The following GAN variants were observed in gnomAD, a reference collection of about 807,000 sequenced individuals.
GAN encodes the protein gigaxonin.
In GAN, 48 loss-of-function variants were observed where a neutral mutation model predicts 71.3. The observed-to-expected ratio is 0.67, with a 90% CI of 0.53 to 0.86. The LOEUF is 0.86. Among genes scored for constraint, GAN ranks in the 40% least tolerant of loss-of-function variants. The pLI, the probability that GAN is intolerant of heterozygous loss-of-function variation, is 0.00. For missense variants in GAN, 928 were observed against 770.1 expected (o/e 1.21, Z -2.43); for synonymous variants, 386 against 276.8 (o/e 1.39, Z -3.92).
At chr16:81,353,272 A>G (rs1395266173) in intron 2 of GAN, among the ~76,000 whole-genome samples, 2 of 142,406 alleles carry the variant, frequency 1.4e-5, no homozygotes, top group East Asian at 2.2e-4. Context: ...AGCGTGGGCG[A>G]CAGAGCGAGA....
chr16:81,359,133 G>A (rs1910586764), intron 5 of GAN, among the ~76,000 whole-genome samples: 1 of 152,180 alleles, frequency 6.6e-6, no homozygotes, highest in Admixed American at 6.5e-5. Flanking sequence ...GCTGGACAGA[G>A]TAGTATAGCC....
chr16:81,332,972 G>A (rs1312370210), intron 1 of GAN, among the ~76,000 whole-genome samples: 1 of 152,096 alleles, frequency 6.6e-6, no homozygotes, highest in African/African-American at 2.4e-5. Flanking sequence ...GAGTGCAATG[G>A]CTCATGCCTG....
At chr16:81,355,352 C>T (rs1480658459) in intron 3 of GAN, among the ~76,000 whole-genome samples, 1 of 152,136 alleles carries the variant, frequency 6.6e-6, no homozygotes, top group African/African-American at 2.4e-5. Flanking sequence ...AGCAAAATCA[C>T]AGGACTTGAG....
At chr16:81,349,855 G>A (rs1910240866) in intron 1 of GAN, among the ~76,000 whole-genome samples, 1 of 152,138 alleles carries the variant, frequency 6.6e-6, no homozygotes, top group Non-Finnish European at 1.5e-5. Context: ...AAACATGGTT[G>A]TTAGGTAGCA....
chr16:81,377,004 T>G (rs1904283679), intron 9 of GAN, among the ~76,000 whole-genome samples: 1 of 152,202 alleles, frequency 6.6e-6, no homozygotes, highest in South Asian at 2.1e-4. Context: ...ACATGCTGTT[T>G]ATGACTCAAT....
chr16:81,374,216 A>G (rs7194429), intron 9 of GAN, among the ~76,000 whole-genome samples: 99,778 of 152,130 alleles, frequency 0.66, 32,926 homozygotes, highest in East Asian at 0.75. Flanking sequence ...TCTGCATCAT[A>G]TCAGGGAGAA....
At chr16:81,344,548 C>G (rs1910052721) in intron 1 of GAN, among the ~76,000 whole-genome samples, 1 of 152,156 alleles carries the variant, frequency 6.6e-6, no homozygotes, top group South Asian at 2.1e-4. Context: ...GCTGGGAAAA[C>G]TGGCTAGCCG....
intron 4 of GAN, among the ~76,000 whole-genome samples, chr16:81,357,222 C>T (rs1040217059): frequency 6.6e-6 from 1 of 152,018 alleles, no homozygotes. Context: ...CATCATTTAG[C>T]ATTAGATATA....
intron 1 of GAN, among the ~76,000 whole-genome samples, chr16:81,350,111 T>A (rs894437091): frequency 6.6e-6 from 1 of 152,164 alleles, no homozygotes; most frequent in African/African-American, 2.4e-5. Flanking sequence ...AGGCCCCTTT[T>A]AAAAAGTTCA....
chr16:81,362,466 A>G (rs757918580), intron 5 of GAN, 33 bp from the exon 6 acceptor site: 1 of 1,139,156 alleles, frequency 8.8e-7, no homozygotes, highest in South Asian at 1.2e-5. Context: ...GAAGACTCAC[A>G]TTTCATATTT....
intron 1 of GAN, among the ~76,000 whole-genome samples, chr16:81,336,063 C>A (rs1336098693): frequency 6.6e-6 from 1 of 152,158 alleles, no homozygotes; most frequent in Non-Finnish European, 1.5e-5. Context: ...GTCTCCTACC[C>A]TCAGCACTCC....
rs1181492074 is a variant in GAN, at chr16:81,389,361, G to A, written c.*11765G>A. The A allele has an allele frequency of 6.6e-6, 1 of 152,142 alleles. No individual in the cohort carries two copies. The highest frequency in any genetic ancestry group is 1.9e-4 in the East Asian group (1 of 5,196). 9.4% of individuals were successfully genotyped at this position (152,142 alleles called of 1,614,324 possible). A position where few individuals can be genotyped will look rare whatever the true frequency, so the allele number is the denominator to read the frequency against. ...TTTTGTATCATACCTTTTGTGAATT[G>A]TGACAACCATCCCGTAATCATTGTG... is the stretch of plus-strand genomic sequence containing the variant. On this transcript the variant is annotated 3_prime_UTR_variant, in exon 11 of 11. Coordinates refer to ENST00000648994, the MANE Select transcript of GAN (RefSeq NM_022041.4).
At chr16:81,318,939 G>A (rs1344808970) in intron 1 of GAN, among the ~76,000 whole-genome samples, 3 of 151,628 alleles carry the variant, frequency 2.0e-5, no homozygotes, top group African/African-American at 7.2e-5. Context: ...CCCTTTCCCA[G>A]CATGCTCCTT....
intron 9 of GAN, among the ~76,000 whole-genome samples, chr16:81,373,687 G>C (rs1206142589): frequency 6.6e-6 from 1 of 152,116 alleles, no homozygotes. Context: ...ATCCAATCCA[G>C]GATTCTACCT....
rs1412462198 is a variant in GAN at position 81,388,555 on chromosome 16, T to G, written c.*10959T>G. On this transcript the variant is annotated 3_prime_UTR_variant, in exon 11 of 11. Coordinates refer to ENST00000648994, the MANE Select transcript of GAN (RefSeq NM_022041.4). The stretch of plus-strand genomic sequence containing the variant: ...GGCCAGCCCCAGAGGCCCTCAGGGC[T>G]CCCCCTCCAAGCCGGGAGGGCAGGC... 1 of 153,074 alleles carries G rather than the reference T, an allele frequency of 6.5e-6. No individual in the cohort carries two copies. The highest frequency in any genetic ancestry group is 2.4e-5 in the African/African-American group (1 of 41,408). 9.5% of individuals were successfully genotyped at this position (153,074 alleles called of 1,614,324 possible). A position where few individuals can be genotyped will look rare whatever the true frequency, so the allele number is the denominator to read the frequency against.
Position 81,370,188 on chromosome 16 carries a change from A to G in GAN, c.1502+4710A>G, listed in dbSNP as rs13336792. Among the ~76,000 whole-genome samples, 1,393 of 152,336 alleles carry G rather than the reference A, an allele frequency of 9.1e-3. 16 individuals are homozygous for G. The highest frequency in any genetic ancestry group is 0.032 in the African/African-American group (1,316 of 41,566). ...TGTATATTAGTCCACAGAGATTTTA[A>G]TCATCATGATGTTCCACAAAACATC... On this transcript the variant is annotated intron_variant, in intron 9 of 10. Coordinates refer to ENST00000648994, the MANE Select transcript of GAN (RefSeq NM_022041.4).
rs144668081 is a variant in GAN at position 81,369,519 on chromosome 16, G to A, written c.1502+4041G>A. ...AAATGTTTGTGTAGCTTGTTTTTAG[G>A]TTTTCCTTTTACTTTGGGTTTCTTT... On this transcript the variant is annotated intron_variant, in intron 9 of 10. Coordinates refer to ENST00000648994, the MANE Select transcript of GAN (RefSeq NM_022041.4). Among the ~76,000 whole-genome samples, 666 of 152,248 alleles carry A rather than the reference G, an allele frequency of 4.4e-3. 5 individuals are homozygous for A. Among genetic ancestry groups the A allele is most frequent in the African/African-American group, 0.015 (628 of 41,540 alleles).
At chr16:81,341,901 A>T (rs953886562) in intron 1 of GAN, among the ~76,000 whole-genome samples, 1 of 152,194 alleles carries the variant, frequency 6.6e-6, no homozygotes, top group Non-Finnish European at 1.5e-5. Context: ...CTCACATGCA[A>T]AGACACACAT....
At chr16:81,366,483 C>A (rs2150692599) in intron 9 of GAN, among the ~76,000 whole-genome samples, 1 of 152,252 alleles carries the variant, frequency 6.6e-6, no homozygotes. Flanking sequence ...GGGGAAATTG[C>A]TGTGCTAAAC....
Sources: gnomAD v4.1 joint callset for allele counts (sites outside exome capture counted in the v4.1 genomes callset) on GRCh38, gnomAD v4.1.1 for gene constraint, MANE v1.5 for transcripts, NCBI Gene and HGNC (gene_info 2026-07-23, HGNC 2026-07-21) for gene names.